SPDL1: variants seen among roughly 807,000 people sequenced by gnomAD.
The protein encoded by SPDL1 is protein Spindly.
Under a neutral mutation model 79.5 loss-of-function variants are expected in SPDL1, and 85 were observed. The observed-to-expected ratio is 1.07, with a 90% CI of 0.90 to 1.28. The LOEUF is 1.28. Among genes scored for constraint, SPDL1 ranks in the 50% most tolerant of loss-of-function variants. SPDL1 has a pLI of 0.00. For missense variants in SPDL1, 703 were observed against 697.8 expected (o/e 1.01, Z -0.08); for synonymous variants, 269 against 240.3 (o/e 1.12, Z -1.10).
At chr5:169,591,615 C>T (rs1042093468) in intron 3 of SPDL1, among the ~76,000 whole-genome samples, 1 of 152,278 alleles carries the variant, frequency 6.6e-6, no homozygotes, top group East Asian at 1.9e-4. Context: ...AGTTAATGTG[C>T]ATTACAAATG....
At position 169,604,467 on chromosome 5, in the gene SPDL1, CTATT is replaced by C; in HGVS notation, c.*262_*265del. ...AAGGAAAATGTTATAATTAATGTATCTATTTGCTGCATTGTATATGGATTAAATG... is the reference window on the plus strand; with the variant it reads ...AAGGAAAATGTTATAATTAATGTATCTGCTGCATTGTATATGGATTAAATG... On this transcript the variant is annotated 3_prime_UTR_variant, in exon 12 of 12. Transcript: ENST00000265295. 1 of 226,532 alleles carries C rather than the reference CTATT, an allele frequency of 4.4e-6. No homozygotes were observed. Among genetic ancestry groups the C allele is most frequent in the South Asian group, 1.7e-4 (1 of 5,894 alleles). The allele number at this position is 226,532 out of a possible 1,614,324, so 14.0% of individuals were successfully genotyped here. A position where few individuals can be genotyped will look rare whatever the true frequency, so the allele number is the denominator to read the frequency against.
Position 169,602,493 on chromosome 5 carries a change from G to A in SPDL1, c.1670+868G>A, listed in dbSNP as rs1755986902. On this transcript the variant is annotated intron_variant, in intron 11 of 11. Transcript: ENST00000265295. ...ATTATCTCCTATGAAATGAGATGTT[G>A]AAGGTGCTACTAGGGCTACCTTAGT... is the stretch of plus-strand genomic sequence containing the variant. Among the ~76,000 whole-genome samples, 2 of 152,224 alleles carry A rather than the reference G, an allele frequency of 1.3e-5. 1 individual carries two copies. The highest frequency in any genetic ancestry group is 4.1e-4 in the South Asian group (2 of 4,836).
chr5:169,593,629 A>C (rs1755420108), intron 4 of SPDL1, 81 bp downstream of exon 4: 5 of 1,389,502 alleles, frequency 3.6e-6, no homozygotes, highest in Admixed American at 4.9e-5. Context: ...AATAATTCTT[A>C]AGAGCTAGTT....
At chr5:169,590,638 TCAA>T in intron 2 of SPDL1, 2 of 429,204 alleles carry the variant, frequency 4.7e-6, no homozygotes, top group Admixed American at 2.6e-5. Context: ...TTCTTTTTTT[TCAA>T]CTATTATTAC....
intron 2 of SPDL1, 163 bp from the exon 3 acceptor site, chr5:169,590,885 G>A (rs1314857572): frequency 4.2e-6 from 3 of 706,928 alleles, no homozygotes; most frequent in South Asian, 3.1e-5. Flanking sequence ...GGTTTATTAA[G>A]ACTGATTAAC....
Position 169,601,616 on chromosome 5 carries a change from A to C in SPDL1, c.1661A>C (p.Asn554Thr). Reference protein sequence around the residue: ...ALSERSGNTPNSPRLAAESKL... With the variant: ...ALSERSGNTPTSPRLAAESKL... ...AGTGAAAGAAGTGGAAACACCCCTA[A>C]CTCTCCCAGGTCAGTGTCCTCTTTT... Residue 554 changes from asparagine to threonine, a missense_variant, in exon 11 of 12, where the codon AAC becomes ACC. Coordinates refer to ENST00000265295, the MANE Select transcript of SPDL1 (RefSeq NM_017785.5). 1 of 1,613,452 alleles carries C rather than the reference A, an allele frequency of 6.2e-7. No individual in the cohort carries two copies. The highest frequency in any genetic ancestry group is 8.5e-7 in the Non-Finnish European group (1 of 1,179,784).
chr5:169,599,130 A>G lies in SPDL1; in HGVS notation c.1295A>G (p.Asp432Gly), dbSNP rs760486108. The part of the protein sequence containing the change: ...SENMKLRAKL[D>G]ELKLKYEPEE... ...AATATGAAACTGAGAGCTAAACTAG[A>G]TGAATTGAAACTAAAATATGAACCT... Residue 432 changes from aspartate to glycine, a missense_variant, in exon 10 of 12, where the codon GAT (aspartate) becomes GGT (glycine). Transcript: ENST00000265295. The G allele has an allele frequency of 1.9e-6, 3 of 1,565,260 alleles. No individual in the cohort carries two copies. The highest frequency in any genetic ancestry group is 2.6e-6 in the Non-Finnish European group (3 of 1,147,822).
intron 10 of SPDL1, 85 bp from the exon 11 acceptor site, chr5:169,601,195 A>G (rs1216234758): frequency 1.7e-6 from 2 of 1,165,306 alleles, no homozygotes; most frequent in East Asian, 2.5e-5. Flanking sequence ...AAAAAGGTAT[A>G]CATATAACTA....
At position 169,593,066 on chromosome 5, in the gene SPDL1, T is replaced by A. The variant is rs372082016; in HGVS notation, c.337-288T>A. On this transcript the variant is annotated intron_variant, in intron 3 of 11. Coordinates refer to ENST00000265295, the MANE Select transcript of SPDL1 (RefSeq NM_017785.5). ...CTTCTGACCAGGTTGCTTGCTTCCA[T>A]TGTTTCTCTTCATGCCAGTCATTCT... 4.6e-5 allele frequency among the ~76,000 whole-genome samples: 7 copies of A among 152,296 alleles called. No individual in the cohort carries two copies. The East Asian group carries it at 9.6e-4, about 21-fold the overall frequency.
chr5:169,593,123 T>A (rs1755386750), intron 3 of SPDL1, among the ~76,000 whole-genome samples: 2 of 152,150 alleles, frequency 1.3e-5, no homozygotes, highest in Non-Finnish European at 1.5e-5. Context: ...CGCATCATAG[T>A]GCCTCCAGAT....
intron 11 of SPDL1, 84 bp from the exon 12 acceptor site, chr5:169,603,976 T>A (rs1756062125): frequency 1.4e-6 from 2 of 1,436,110 alleles, no homozygotes; most frequent in Non-Finnish European, 1.9e-6. Flanking sequence ...CATGCCTTAT[T>A]GGAGGCCCAT....
Position 169,594,626 on chromosome 5 carries a change from A to C in SPDL1, c.836A>C (p.Tyr279Ser). The part of the protein sequence containing the change: ...ERQLISMKVK[Y>S]QSLKKQNVFN... ...CAGCTCATCAGTATGAAAGTCAAGT[A>C]TCAGTCACTAAAGAAGCAAAATGTA... The change falls in exon 7 of 12, where the codon TAT (tyrosine) becomes TCT (serine). Residue 279 changes from tyrosine (Y) to serine (S), a missense_variant. Tyr to Ser is a moderately radical substitution (Grantham distance 144). Transcript: ENST00000265295. 1 of 1,614,030 alleles carries C rather than the reference A, an allele frequency of 6.2e-7. No individual in the cohort carries two copies. Among genetic ancestry groups the C allele is most frequent in the East Asian group, 2.2e-5 (1 of 44,868 alleles).
At chr5:169,590,448 AT>A (rs1459895115) in intron 2 of SPDL1, among the ~76,000 whole-genome samples, 1 of 152,164 alleles carries the variant, frequency 6.6e-6, no homozygotes, top group Non-Finnish European at 1.5e-5. Context: ...ATATTTTATC[AT>A]TTTTTAAAGC....
Position 169,594,680 on chromosome 5 carries a change from A to C in SPDL1, c.890A>C (p.Lys297Thr). 1 of 1,606,504 alleles carries C rather than the reference A, an allele frequency of 6.2e-7. No individual in the cohort carries two copies. ...VFNREQMQRM[K>T]LQIATLLQMK... ...AACAGAGAACAGATGCAGAGAATGA[A>C]GGTATAGAACTTTCACTATCAAAGG... The change falls in exon 7 of 12, where the codon AAG becomes ACG. Residue 297 changes from lysine to threonine, a missense_variant and splice_region_variant. Lys to Thr is a moderately conservative substitution (Grantham distance 78). Coordinates refer to ENST00000265295, the MANE Select transcript of SPDL1 (RefSeq NM_017785.5).
intron 3 of SPDL1, 105 bp downstream of exon 3, chr5:169,591,329 C>A: frequency 8.6e-7 from 1 of 1,156,554 alleles, no homozygotes; most frequent in Non-Finnish European, 1.2e-6. Context: ...TGCAAAATAG[C>A]CAAGATCTAA....
At chr5:169,600,055 C>G (rs1755803220) in intron 10 of SPDL1, among the ~76,000 whole-genome samples, 1 of 152,114 alleles carries the variant, frequency 6.6e-6, no homozygotes. Flanking sequence ...TATGTAAATT[C>G]AAAAACAAAA....
intron 7 of SPDL1, chr5:169,595,299 T>A (rs369776258): frequency 1.3e-4 from 20 of 152,350 alleles, no homozygotes; most frequent in African/African-American, 4.1e-4. Context: ...GAGGTAGTAA[T>A]TGGAATCTGG....
chr5:169,585,661 A>G (rs571880948), intron 1 of SPDL1, among the ~76,000 whole-genome samples: 8 of 152,336 alleles, frequency 5.3e-5, no homozygotes, highest in African/African-American at 1.7e-4. Context: ...CGTATCATGT[A>G]CAGGCTTTGA....
Position 169,591,137 on chromosome 5 carries a change from T to TA in SPDL1, c.252dup (p.Gln85ThrfsTer24). ...GTTTGAGCTGCGAATGTGAAGCTATTAAACAACAACAAAAAATGCACCTGG... is the reference window on the plus strand; with the variant it reads ...GTTTGAGCTGCGAATGTGAAGCTATTAAAACAACAACAAAAAATGCACCTGG... On this transcript the variant is annotated frameshift_variant, in exon 3 of 12. Transcript: ENST00000265295. LOFTEE classifies it high-confidence loss of function. The TA allele has an allele frequency of 3.7e-6, 6 of 1,614,032 alleles. No homozygotes were observed. Among genetic ancestry groups the TA allele is most frequent in the Non-Finnish European group, 5.1e-6 (6 of 1,179,968 alleles).
Sources: gnomAD v4.1 joint callset for allele counts (sites outside exome capture counted in the v4.1 genomes callset) on GRCh38, gnomAD v4.1.1 for gene constraint, MANE v1.5 for transcripts, NCBI Gene and HGNC (gene_info 2026-07-23, HGNC 2026-07-21) for gene names.